The following DOT1L variants were observed in gnomAD, a reference collection of about 807,000 sequenced individuals.
DOT1L encodes the protein histone-lysine N-methyltransferase, H3 lysine-79 specific.
In DOT1L, 33 loss-of-function variants were observed where a neutral mutation model predicts 153.3. That is an observed-to-expected ratio of 0.22 (90% confidence interval 0.16 to 0.29). The LOEUF is 0.29. Among genes scored for constraint, DOT1L ranks in the 10% least tolerant of loss-of-function variants. The pLI, the probability that DOT1L is intolerant of heterozygous loss-of-function variation, is 1.00. For synonymous variants in DOT1L, 1,135 were observed against 965.1 expected, an observed-to-expected ratio of 1.18 and a Z score of -3.26; for missense variants, 1,847 against 2,119.9, an observed-to-expected ratio of 0.87 and a Z score of 2.53.
chr19:2,210,689 C>T lies in DOT1L; in HGVS notation c.1185C>T (p.Arg395=), dbSNP rs373843165. The change falls in exon 14 of 28, where the codon CGC becomes CGT. Residue 395 remains arginine, a synonymous_variant. Coordinates refer to ENST00000398665, the MANE Select transcript of DOT1L (RefSeq NM_032482.3). ...TVKKPSPSKA[R]KKKLNKKGRK... ...AGAAGCCGTCTCCCTCCAAAGCCCG[C>T]AAGAAGAAGCTAAACAAGAAGGGGA... is the stretch of plus-strand genomic sequence containing the variant. 113 of 1,613,034 alleles carry T rather than the reference C, an allele frequency of 7.0e-5. No individual in the cohort carries two copies. Among genetic ancestry groups the T allele is most frequent in the Middle Eastern group, 1.6e-4 (1 of 6,082 alleles).
At chr19:2,177,925 A>T (rs2022028269) in intron 1 of DOT1L, among the ~76,000 whole-genome samples, 1 of 114,996 alleles carries the variant, frequency 8.7e-6, no homozygotes, top group Admixed American at 8.6e-5. Context: ...CACACCTAGC[A>T]ATTTTTTTTT....
At chr19:2,211,071 T>G in intron 14 of DOT1L, 28 bp from the exon 15 acceptor site, 1 of 1,604,244 alleles carries the variant, frequency 6.2e-7, no homozygotes, top group East Asian at 2.2e-5. Context: ...ACCCGCCCTG[T>G]GCTGACGCCT....
At chr19:2,224,848 GCT>G (rs1289557256) in intron 25 of DOT1L, among the ~76,000 whole-genome samples, 3 of 152,234 alleles carry the variant, frequency 2.0e-5, no homozygotes, top group African/African-American at 7.2e-5. Flanking sequence ...GCACCTGGAT[GCT>G]CTGTTTTGCA....
chr19:2,220,445 C>T lies in DOT1L; in HGVS notation c.2806+223C>T. On this transcript the variant is annotated intron_variant, in intron 23 of 27. Transcript: ENST00000398665. The surrounding 1 kb of genome is among the most constrained non-coding windows in gnomAD (Gnocchi z 4.5). Reference sequence around the variant, plus strand: ...CATCTCGGCCTCATACCTGGGTCTCCCGACACTGACACCTCCTGCTTGGGT... The same window carrying T: ...CATCTCGGCCTCATACCTGGGTCTCTCGACACTGACACCTCCTGCTTGGGT... The T allele has an allele frequency of 1.5e-6, 1 of 655,434 alleles. No homozygotes were observed. The highest frequency in any genetic ancestry group is 2.8e-6 in the Non-Finnish European group (1 of 354,918). The allele number at this position is 655,434 out of a possible 1,614,324, so 40.6% of individuals were successfully genotyped here.
At chr19:2,227,184 C>G in intron 27 of DOT1L, 57 bp downstream of exon 27, 1 of 1,578,422 alleles carries the variant, frequency 6.3e-7, no homozygotes, top group Non-Finnish European at 8.6e-7. Context: ...GAGGCCCCTT[C>G]CTTTGCAGGT....
At chr19:2,177,825 G>T (rs1421610198) in intron 1 of DOT1L, among the ~76,000 whole-genome samples, 1 of 151,364 alleles carries the variant, frequency 6.6e-6, no homozygotes. Flanking sequence ...GCAGTGGTGC[G>T]ACCTTGGCTC....
Position 2,220,240 on chromosome 19 carries a change from C to T in DOT1L, c.2806+18C>T, listed in dbSNP as rs553797969. 4.4e-6 allele frequency: 7 copies of T among 1,601,914 alleles called. No homozygotes were observed. The highest frequency in any genetic ancestry group is 2.2e-5 in the South Asian group (2 of 90,148). ...CCCCGCAGGTAACGCCCCTCCTGTG[C>T]CCTACCCTCAGGACTCTGCTGCTGC... On this transcript the variant is annotated intron_variant, in intron 23 of 27. Coordinates refer to ENST00000398665, the MANE Select transcript of DOT1L (RefSeq NM_032482.3). This position sits in a 1 kb window ranked among gnomAD's most constrained non-coding sequence, Gnocchi z 4.5.
chr19:2,175,526 A>C (rs552832181), intron 1 of DOT1L, among the ~76,000 whole-genome samples: 55 of 152,310 alleles, frequency 3.6e-4, no homozygotes, highest in African/African-American at 1.3e-3. Flanking sequence ...TCATTTTATC[A>C]TGTAATTAAA....
chr19:2,214,365 C>A, intron 18 of DOT1L, 106 bp from the exon 19 acceptor site: 1 of 1,520,756 alleles, frequency 6.6e-7, no homozygotes, highest in South Asian at 1.3e-5. Context: ...GCCCTAAGCA[C>A]ACATGCTGTT....
Position 2,187,173 on chromosome 19 carries a change from A to G in DOT1L, c.200+1244A>G, listed in dbSNP as rs75601133. Among the ~76,000 whole-genome samples the G allele has an allele frequency of 2.1e-3, 324 of 152,340 alleles. 1 individual carries two copies. The highest frequency in any genetic ancestry group is 7.2e-3 in the African/African-American group (301 of 41,578). On this transcript the variant is annotated intron_variant, in intron 3 of 27. Coordinates refer to ENST00000398665, the MANE Select transcript of DOT1L (RefSeq NM_032482.3). ...CCTTACAACAGAAGACACTCCTGTCACCTAGAAGTTCCCAGGGATCAGGAG... is the reference window on the plus strand; with the variant it reads ...CCTTACAACAGAAGACACTCCTGTCGCCTAGAAGTTCCCAGGGATCAGGAG...
chr19:2,164,312 C>T (rs1431899907), intron 1 of DOT1L, 47 bp downstream of exon 1: 3 of 1,218,466 alleles, frequency 2.5e-6, no homozygotes, highest in Middle Eastern at 2.6e-4. Flanking sequence ...TCCCCTCCTC[C>T]GCCGCCCCTG....
Position 2,230,117 on chromosome 19 carries a change from C to T in DOT1L, c.*325C>T, listed in dbSNP as rs1309218145. The T allele has an allele frequency of 3.8e-6, 2 of 529,714 alleles. No homozygotes were observed. The highest frequency in any genetic ancestry group is 6.6e-6 in the Non-Finnish European group (2 of 304,080). 32.8% of individuals were successfully genotyped at this position (529,714 alleles called of 1,614,324 possible). On this transcript the variant is annotated 3_prime_UTR_variant, in exon 28 of 28. Coordinates refer to ENST00000398665, the MANE Select transcript of DOT1L (RefSeq NM_032482.3). The stretch of plus-strand genomic sequence containing the variant: ...GAGAGCTCTATATAAAGACACGTGT[C>T]TGCAGGGCGGGCCCGCCAGCGGATT...
chr19:2,203,321 A>C (rs2023367190), intron 9 of DOT1L, among the ~76,000 whole-genome samples: 1 of 152,176 alleles, frequency 6.6e-6, no homozygotes. Flanking sequence ...GCTGGTCTCG[A>C]ACTCCCGATG....
Position 2,193,934 on chromosome 19 carries a change from G to A in DOT1L, c.588+151G>A. ...GACGTCTTGGTTGCCTGCAGCGTGT[G>A]CCTGTGAATAGGGTGCCCGATCGCC... On this transcript the variant is annotated intron_variant, in intron 6 of 27. Coordinates refer to ENST00000398665, the MANE Select transcript of DOT1L (RefSeq NM_032482.3). The surrounding 1 kb of genome is among the most constrained non-coding windows in gnomAD (Gnocchi z 5.9). 1.3e-6 allele frequency: 1 copy of A among 795,690 alleles called. No individual in the cohort carries two copies. Among genetic ancestry groups the A allele is most frequent in the South Asian group, 1.7e-5 (1 of 58,876 alleles). The allele number at this position is 795,690 out of a possible 1,614,324, so 49.3% of individuals were successfully genotyped here.
intron 16 of DOT1L, chr19:2,212,665 G>A (rs2023756376): frequency 1.3e-5 from 2 of 152,268 alleles, no homozygotes; most frequent in African/African-American, 2.4e-5. Flanking sequence ...TAAGCCGGGG[G>A]AAGCGGGGGC....
At chr19:2,203,876 G>A (rs568774050) in intron 9 of DOT1L, among the ~76,000 whole-genome samples, 4 of 152,354 alleles carry the variant, frequency 2.6e-5, no homozygotes, top group East Asian at 3.9e-4. Flanking sequence ...CCTGGCGGAC[G>A]TGGCTTCCAG....
In DOT1L at chr19:2,191,308, C is replaced by T; in HGVS notation, c.493+68C>T. On this transcript the variant is annotated intron_variant, in intron 5 of 27. Transcript: ENST00000398665. This position sits in a 1 kb window ranked among gnomAD's most constrained non-coding sequence, Gnocchi z 6.8. ...CCACACGCTCTGTGCCTGCCCCATG[C>T]CTGCTTGGAGAAGAGTTTATCAGGG... The T allele has an allele frequency of 6.7e-7, 1 of 1,499,872 alleles. No homozygotes were observed. The highest frequency in any genetic ancestry group is 9.2e-7 in the Non-Finnish European group (1 of 1,082,376). 92.9% of individuals were successfully genotyped at this position (1,499,872 alleles called of 1,614,324 possible).
intron 9 of DOT1L, among the ~76,000 whole-genome samples, chr19:2,205,997 G>C (rs941050898): frequency 6.6e-6 from 1 of 150,448 alleles, no homozygotes; most frequent in Non-Finnish European, 1.5e-5. Context: ...GCAGCGTAGT[G>C]GGTTTTTTTT....
At chr19:2,214,684 G>C in intron 19 of DOT1L, 88 bp downstream of exon 19, 2 of 1,524,442 alleles carry the variant, frequency 1.3e-6, no homozygotes, top group South Asian at 2.5e-5. Flanking sequence ...GGTGGTTGCG[G>C]TTGCAGCAGC....
Sources: gnomAD v4.1 joint callset for allele counts (sites outside exome capture counted in the v4.1 genomes callset) on GRCh38, gnomAD v4.1.1 for gene constraint, Gnocchi (gnomAD v3.1) non-coding constraint, MANE v1.5 for transcripts, NCBI Gene and HGNC (gene_info 2026-07-23, HGNC 2026-07-21) for gene names.